IL20RB: variants seen among roughly 807,000 people sequenced by gnomAD.
The protein encoded by IL20RB is interleukin-20 receptor subunit beta.
A neutral mutation model predicts 33.3 loss-of-function variants in IL20RB; 21 were observed. The observed-to-expected ratio is 0.63, with a 90% confidence interval of 0.45 to 0.91. The LOEUF (loss-of-function observed/expected upper bound fraction) is 0.91, where lower values mean the gene tolerates loss of function less well. Ranked by LOEUF, IL20RB falls within the 40% of genes least tolerant of loss-of-function variation. The pLI is 0.00. For synonymous variants in IL20RB, 147 were observed against 146.8 expected (o/e 1.00, Z -0.01); for missense variants, 345 against 384.8 (o/e 0.90, Z 0.86).
At chr3:136,997,936 A>G (rs1942163374) in intron 6 of IL20RB, among the ~76,000 whole-genome samples, 1 of 151,762 alleles carries the variant, frequency 6.6e-6, no homozygotes, top group Non-Finnish European at 1.5e-5. Context: ...ACACCCGGCT[A>G]ATTTTTGTAT....
rs1391244435 is a variant in IL20RB at position 136,966,537 on chromosome 3, G to A, written c.88+8336G>A. Among the ~76,000 whole-genome samples the A allele has an allele frequency of 3.3e-5, 3 of 90,284 alleles. 1 individual carries two copies. The highest frequency in any genetic ancestry group is 2.6e-4 in the Admixed American group (2 of 7,814). The allele number at this position is 90,284 out of a possible 152,430, so 59.2% of individuals were successfully genotyped here. A position where few individuals can be genotyped will look rare whatever the true frequency, so the allele number is the denominator to read the frequency against. Reference sequence around the variant, plus strand: ...AGTTTGTATTTCTGTGTTATCGGTGGTGATATCCCCTTTATCATTTTTTAT... The same window carrying A: ...AGTTTGTATTTCTGTGTTATCGGTGATGATATCCCCTTTATCATTTTTTAT... On this transcript the variant is annotated intron_variant, in intron 1 of 6. Transcript: ENST00000329582.
intron 1 of IL20RB, 196 bp from the exon 2 acceptor site, chr3:136,980,270 C>A: frequency 1.7e-6 from 1 of 582,428 alleles, no homozygotes; most frequent in Non-Finnish European, 3.0e-6. Flanking sequence ...AGAGTTGTTT[C>A]TGGTTTATAA....
intron 6 of IL20RB, among the ~76,000 whole-genome samples, chr3:136,996,716 T>A (rs1474804037): frequency 6.6e-6 from 1 of 152,210 alleles, no homozygotes; most frequent in Non-Finnish European, 1.5e-5. Context: ...CCAGATACTG[T>A]TCTAAGGCTT....
chr3:136,970,923 A>T (rs1374870939), intron 1 of IL20RB, among the ~76,000 whole-genome samples: 1 of 152,180 alleles, frequency 6.6e-6, no homozygotes, highest in South Asian at 2.1e-4. Flanking sequence ...AAGTGCTGGG[A>T]TTACAGGCAT....
chr3:136,970,641 TCC>T (rs1941453403), intron 1 of IL20RB, among the ~76,000 whole-genome samples: 1 of 150,822 alleles, frequency 6.6e-6, no homozygotes, highest in African/African-American at 2.4e-5. Context: ...CTTCCTTCCT[TCC>T]TTCCTTCCTT....
intron 5 of IL20RB, 35 bp from the exon 6 acceptor site, chr3:136,995,379 T>C (rs1377378667): frequency 1.2e-6 from 2 of 1,610,350 alleles, no homozygotes; most frequent in Admixed American, 3.3e-5. Context: ...TCTTTGCTGC[T>C]GTTTTCTAAG....
intron 6 of IL20RB, 98 bp from the exon 7 acceptor site, chr3:137,010,015 G>A: frequency 1.5e-6 from 1 of 685,740 alleles, no homozygotes. Context: ...TTTGCTGCTT[G>A]GAAATTAATT....
rs1941508190 is a variant in IL20RB, at chr3:136,972,392, T to C, written c.89-8074T>C. 1.3e-5 allele frequency among the ~76,000 whole-genome samples: 2 copies of C among 152,212 alleles called. 1 individual carries two copies. The highest frequency in any genetic ancestry group is 4.1e-4 in the South Asian group (2 of 4,828). ...TCTCAGGAGGATTGATATTAATTCT[T>C]CTTTGTATGTTTGGTAGAATTCAGC... On this transcript the variant is annotated intron_variant, in intron 1 of 6. Transcript: ENST00000329582.
At chr3:137,000,691 G>A (rs1942225816) in intron 6 of IL20RB, among the ~76,000 whole-genome samples, 1 of 152,200 alleles carries the variant, frequency 6.6e-6, no homozygotes, top group African/African-American at 2.4e-5. Flanking sequence ...CCAAAGCGAT[G>A]GTAATGGTAG....
intron 6 of IL20RB, among the ~76,000 whole-genome samples, chr3:137,006,506 A>G (rs761310778): frequency 6.6e-6 from 1 of 150,548 alleles, no homozygotes; most frequent in Non-Finnish European, 1.5e-5. Context: ...TTCTCACTTT[A>G]TTTCATTAAT....
chr3:136,985,337 C>CTCT (rs1941874591), intron 3 of IL20RB, among the ~76,000 whole-genome samples: 1 of 137,286 alleles, frequency 7.3e-6, no homozygotes, highest in Non-Finnish European at 1.6e-5. Context: ...CTCTCTCTCT[C>CTCT]TTTTTTTTTT....
chr3:136,977,812 C>T (rs181410910), intron 1 of IL20RB, among the ~76,000 whole-genome samples: 111 of 152,282 alleles, frequency 7.3e-4, no homozygotes, highest in Admixed American at 7.2e-4. Context: ...AGGCGTGAGC[C>T]ACCAGGCCTG....
intron 3 of IL20RB, among the ~76,000 whole-genome samples, chr3:136,982,986 G>C (rs1272319120): frequency 1.3e-5 from 2 of 152,180 alleles, no homozygotes; most frequent in East Asian, 3.8e-4. Context: ...TGATGGGCAG[G>C]GGGTAGGGAA....
chr3:136,972,360 G>A (rs1941507181), intron 1 of IL20RB, among the ~76,000 whole-genome samples: 1 of 152,068 alleles, frequency 6.6e-6, no homozygotes, highest in East Asian at 1.9e-4. Flanking sequence ...TCTGATTTTT[G>A]CAATAGTCTC....
At chr3:136,996,710 A>C (rs979326234) in intron 6 of IL20RB, among the ~76,000 whole-genome samples, 1 of 152,192 alleles carries the variant, frequency 6.6e-6, no homozygotes, top group Non-Finnish European at 1.5e-5. Flanking sequence ...TAAGTGCCAG[A>C]TACTGTTCTA....
At chr3:136,982,484 C>T (rs928282685) in intron 3 of IL20RB, 134 bp downstream of exon 3, 1 of 582,840 alleles carries the variant, frequency 1.7e-6, no homozygotes, top group South Asian at 3.2e-5. Context: ...CACAAACAAC[C>T]CTTACTGGTA....
chr3:136,994,170 C>T (rs867813284), intron 5 of IL20RB, among the ~76,000 whole-genome samples: 1 of 151,688 alleles, frequency 6.6e-6, no homozygotes, highest in African/African-American at 2.4e-5. Context: ...AGGATATGGG[C>T]ACGAAAAAAA....
At chr3:136,971,173 C>T (rs1168320990) in intron 1 of IL20RB, among the ~76,000 whole-genome samples, 1 of 152,044 alleles carries the variant, frequency 6.6e-6, no homozygotes, top group Non-Finnish European at 1.5e-5. Context: ...CTCTGTTGCC[C>T]AGGCTGGAGT....
chr3:136,978,251 C>T (rs927342920), intron 1 of IL20RB, among the ~76,000 whole-genome samples: 5 of 151,406 alleles, frequency 3.3e-5, no homozygotes, highest in South Asian at 2.1e-4. Context: ...CTGCAACCTC[C>T]GTCTCCCAGG....
Sources: allele counts gnomAD v4.1 joint callset (sites outside exome capture counted in the v4.1 genomes callset), GRCh38; gene constraint gnomAD v4.1.1; transcripts MANE v1.5; gene names NCBI Gene and HGNC (gene_info 2026-07-23, HGNC 2026-07-21).